NCAM1: variants seen among roughly 807,000 people sequenced by gnomAD.
NCAM1 encodes the protein antigen recognized by monoclonal antibody 5.1H11.
In NCAM1, 14 loss-of-function variants were observed where a neutral mutation model predicts 109.8. The observed-to-expected ratio is 0.13, with a 90% confidence interval of 0.08 to 0.20. The LOEUF (loss-of-function observed/expected upper bound fraction) is 0.20. Among genes scored for constraint, NCAM1 ranks in the 10% least tolerant of loss-of-function variants. The pLI, the probability that NCAM1 is intolerant of heterozygous loss-of-function variation, is 1.00. For missense variants in NCAM1, 774 were observed against 1,109.9 expected (o/e 0.70, Z 4.30); for synonymous variants, 418 against 442.9 (o/e 0.94, Z 0.70).
intron 1 of NCAM1, among the ~76,000 whole-genome samples, chr11:112,995,924 C>T (rs1024000066): frequency 1.3e-5 from 2 of 152,144 alleles, no homozygotes; most frequent in South Asian, 2.1e-4. Flanking sequence ...TGGAGCCTGA[C>T]CACCGGCAGG....
chr11:113,065,773 A>G (rs896951726), intron 1 of NCAM1, among the ~76,000 whole-genome samples: 48 of 152,326 alleles, frequency 3.2e-4, no homozygotes, highest in African/African-American at 1.1e-3. Flanking sequence ...GATACCCTGG[A>G]TAGGGTCCTG....
intron 18 of NCAM1, among the ~76,000 whole-genome samples, chr11:113,271,313 C>T (rs1281109032): frequency 5.0e-5 from 6 of 120,310 alleles, no homozygotes; most frequent in Admixed American, 2.4e-4. Context: ...GAGGTTGCAA[C>T]GAACCAAGAT....
intron 1 of NCAM1, among the ~76,000 whole-genome samples, chr11:113,051,956 G>GT (rs1285053408): frequency 2.0e-5 from 3 of 152,194 alleles, no homozygotes. Context: ...TGTGCTTAGC[G>GT]TAAGTTCTAG....
chr11:112,973,481 T>C (rs1950934110), intron 1 of NCAM1, among the ~76,000 whole-genome samples: 1 of 152,150 alleles, frequency 6.6e-6, no homozygotes, highest in Non-Finnish European at 1.5e-5. Flanking sequence ...TATCTCCTTT[T>C]GGTGTTGGAG....
At chr11:113,210,212 T>A (rs1162187525) in intron 7 of NCAM1, among the ~76,000 whole-genome samples, 1 of 152,090 alleles carries the variant, frequency 6.6e-6, no homozygotes, top group South Asian at 2.1e-4. Flanking sequence ...AATAATAATA[T>A]CAAACACAAG....
intron 1 of NCAM1, among the ~76,000 whole-genome samples, chr11:113,167,998 G>A (rs1354045580): frequency 6.6e-6 from 1 of 152,082 alleles, no homozygotes; most frequent in Non-Finnish European, 1.5e-5. Flanking sequence ...GTATGTTAGG[G>A]TGTGACTGGA....
chr11:113,133,272 A>G (rs1941473664), intron 1 of NCAM1: 1 of 152,088 alleles, frequency 6.6e-6, no homozygotes, highest in Admixed American at 6.6e-5. Context: ...ATGTTTTGTT[A>G]TTGCTGTGTT....
chr11:113,058,816 C>T (rs552004839), intron 1 of NCAM1, among the ~76,000 whole-genome samples: 2 of 152,318 alleles, frequency 1.3e-5, no homozygotes, highest in Admixed American at 6.5e-5. Flanking sequence ...TGGCCTTTTT[C>T]CTGAAGCCAC....
At chr11:113,137,666 A>G (rs1192992786) in intron 1 of NCAM1, among the ~76,000 whole-genome samples, 2 of 152,202 alleles carry the variant, frequency 1.3e-5, no homozygotes, top group Non-Finnish European at 2.9e-5. Context: ...AATTTACAGA[A>G]TTCATTATGG....
intron 1 of NCAM1, among the ~76,000 whole-genome samples, chr11:112,995,459 G>T (rs1462783833): frequency 2.6e-5 from 4 of 152,164 alleles, no homozygotes; most frequent in African/African-American, 9.7e-5. Context: ...TAAGAGTCTT[G>T]TGGTGGCATA....
chr11:113,237,736 C>G (rs962241305), intron 14 of NCAM1, among the ~76,000 whole-genome samples: 1 of 152,138 alleles, frequency 6.6e-6, no homozygotes, highest in Non-Finnish European at 1.5e-5. Context: ...TGAGGCCCCC[C>G]TCTGAGTTTC....
chr11:113,242,738 G>T, intron 14 of NCAM1: 1 of 1,383,138 alleles, frequency 7.2e-7, no homozygotes, highest in Non-Finnish European at 1.0e-6. Flanking sequence ...ATATAGCTAT[G>T]AGTTTAATTT....
chr11:113,204,075 ATTGTAAGAGGTGTTAAGT>A (rs1320827897), intron 2 of NCAM1, among the ~76,000 whole-genome samples, 193 bp from the exon 3 acceptor site: 4 of 152,168 alleles, frequency 2.6e-5, no homozygotes, highest in Non-Finnish European at 1.5e-5. Flanking sequence ...CTTTCCAAAT[ATTGTAAGAGGTGTTAAGT>A]ATATAATAGT....
intron 1 of NCAM1, among the ~76,000 whole-genome samples, chr11:113,186,807 A>C (rs1943521822): frequency 6.6e-6 from 1 of 152,222 alleles, no homozygotes; most frequent in Non-Finnish European, 1.5e-5. Context: ...AGTTCAGAGC[A>C]TGCAACAGGA....
chr11:113,203,931 G>T (rs1227163594), intron 2 of NCAM1, among the ~76,000 whole-genome samples: 1 of 152,136 alleles, frequency 6.6e-6, no homozygotes, highest in African/African-American at 2.4e-5. Flanking sequence ...TAATTCCCTT[G>T]GTTACCCGTT....
At chr11:113,263,858 G>A in intron 17 of NCAM1, 1 of 985,530 alleles carries the variant, frequency 1.0e-6, no homozygotes, top group Non-Finnish European at 1.2e-6. Flanking sequence ...AGAGGGACAG[G>A]CCACTCCCAG....
chr11:113,223,787 C>A (rs1257077586), intron 9 of NCAM1, among the ~76,000 whole-genome samples: 2 of 152,204 alleles, frequency 1.3e-5, no homozygotes, highest in Non-Finnish European at 2.9e-5. Flanking sequence ...TAAGTTCCCT[C>A]TGCCTGCAGT....
intron 16 of NCAM1, among the ~76,000 whole-genome samples, chr11:113,259,467 A>T (rs1271461551): frequency 2.0e-5 from 3 of 152,132 alleles, no homozygotes; most frequent in Non-Finnish European, 4.4e-5. Context: ...TACTTGTTTT[A>T]TTACTCTTCT....
intron 1 of NCAM1, among the ~76,000 whole-genome samples, chr11:113,115,498 C>T (rs1253604160): frequency 1.3e-5 from 2 of 152,136 alleles, no homozygotes; most frequent in African/African-American, 4.8e-5. Context: ...AAATACCCTA[C>T]CCTCCACCTC....
Sources: allele counts gnomAD v4.1 joint callset (sites outside exome capture counted in the v4.1 genomes callset), GRCh38; gene constraint gnomAD v4.1.1; transcripts MANE v1.5; gene names NCBI Gene and HGNC (gene_info 2026-07-23, HGNC 2026-07-21).